COL4A6: variants seen among roughly 807,000 people sequenced by gnomAD.
COL4A6 encodes collagen alpha-6(IV) chain.
In COL4A6, 59 loss-of-function variants were observed where a neutral mutation model predicts 126.7. That is an observed-to-expected ratio of 0.47 (90% CI 0.38 to 0.58). The LOEUF is 0.58. Ranked by LOEUF, COL4A6 falls within the 20% of genes least tolerant of loss-of-function variation. The probability of loss-of-function intolerance (pLI) is 0.00; values close to 1 mark genes in which losing one functional copy is unlikely to be tolerated. For synonymous variants in COL4A6, 547 were observed against 496.6 expected (o/e 1.10, Z -1.35); for missense variants, 1,285 against 1,337.3 (o/e 0.96, Z 0.61).
At chrX:108,296,409 A>T (rs907633807) in intron 3 of COL4A6, among the ~76,000 whole-genome samples, 1 of 111,609 alleles carries the variant, frequency 9.0e-6, no homozygotes, top group African/African-American at 3.3e-5. Flanking sequence ...TGGGTAGGGT[A>T]TGACCTCCTA....
intron 42 of COL4A6, 34 bp downstream of exon 42, chrX:108,161,585 G>A (rs749072437): frequency 2.5e-5 from 6 of 242,014 alleles, no homozygotes; most frequent in South Asian, 1.8e-4. Context: ...CACCATCCCC[G>A]CCCCGCCCGC....
chrX:108,162,013 A>G (rs1157426066), intron 41 of COL4A6, among the ~76,000 whole-genome samples: 1 of 111,948 alleles, frequency 8.9e-6, no homozygotes, highest in Admixed American at 9.4e-5. Context: ...CCTAGCAACA[A>G]TGGAAATTAT....
chrX:108,175,884 G>A, intron 28 of COL4A6, 87 bp from the exon 29 acceptor site: 1 of 771,721 alleles, frequency 1.3e-6, no homozygotes, highest in Middle Eastern at 3.3e-4. Flanking sequence ...CTTGCCCAAA[G>A]TCATACAGCA....
intron 2 of COL4A6, among the ~76,000 whole-genome samples, chrX:108,328,794 G>A (rs936227224): frequency 8.9e-6 from 1 of 112,135 alleles, no homozygotes; most frequent in Non-Finnish European, 1.9e-5. Context: ...ATTCACAATA[G>A]CCAAGATATG....
At chrX:108,356,635 T>C (rs943864273) in intron 2 of COL4A6, among the ~76,000 whole-genome samples, 10 of 111,586 alleles carry the variant, frequency 9.0e-5, no homozygotes, top group African/African-American at 3.3e-4. Context: ...GGCAGAAATG[T>C]CTGAAAAAAA....
At chrX:108,320,953 T>G (rs1180683672) in intron 2 of COL4A6, among the ~76,000 whole-genome samples, 1 of 111,807 alleles carries the variant, frequency 8.9e-6, no homozygotes, top group Admixed American at 9.5e-5. Flanking sequence ...CTCCTAGACA[T>G]TAGGTTCCTT....
At chrX:108,291,047 C>G (rs1451327441) in intron 3 of COL4A6, among the ~76,000 whole-genome samples, 2 of 112,271 alleles carry the variant, frequency 1.8e-5, no homozygotes, top group Non-Finnish European at 3.8e-5. Context: ...AGCCCTCAGT[C>G]CTGTGCAAAC....
intron 2 of COL4A6, among the ~76,000 whole-genome samples, chrX:108,427,861 G>T (rs1333825853): frequency 8.9e-6 from 1 of 112,147 alleles, no homozygotes; most frequent in East Asian, 2.8e-4. Context: ...TCTGCCATTT[G>T]TTGGGTTTGT....
At chrX:108,386,084 G>A (rs1227742685) in intron 2 of COL4A6, among the ~76,000 whole-genome samples, 1 of 111,766 alleles carries the variant, frequency 8.9e-6, no homozygotes, top group Non-Finnish European at 1.9e-5. Flanking sequence ...ATTCCATGGG[G>A]TATATGTGCC....
At chrX:108,371,053 C>T (rs1214003578) in intron 2 of COL4A6, among the ~76,000 whole-genome samples, 1 of 110,119 alleles carries the variant, frequency 9.1e-6, no homozygotes, top group Admixed American at 9.7e-5. Flanking sequence ...GAAATGGAAC[C>T]AGTTTCTCCT....
intron 37 of COL4A6, among the ~76,000 whole-genome samples, chrX:108,167,089 A>G (rs1218569080): frequency 1.8e-5 from 2 of 111,605 alleles, no homozygotes; most frequent in Non-Finnish European, 3.8e-5. Context: ...ACCTGAAATA[A>G]AGGCACTACT....
chrX:108,238,034 ATATCTATCTATCTATCTATCTATC>A (rs59088315), intron 3 of COL4A6, among the ~76,000 whole-genome samples: 146 of 86,493 alleles, frequency 1.7e-3, no homozygotes, highest in African/African-American at 6.3e-3. Context: ...TCACCTCTCT[ATATCTATCTATCTATCTATCTATC>A]TATCTATCTA....
At chrX:108,197,208 G>A (rs2035247120) in intron 13 of COL4A6, among the ~76,000 whole-genome samples, 1 of 111,798 alleles carries the variant, frequency 8.9e-6, no homozygotes, top group Admixed American at 9.4e-5. Context: ...AGTCCAAAGG[G>A]GACTGTGAGA....
intron 2 of COL4A6, among the ~76,000 whole-genome samples, chrX:108,333,642 G>T (rs2039362626): frequency 1.8e-5 from 2 of 111,439 alleles, no homozygotes; most frequent in African/African-American, 6.5e-5. Flanking sequence ...GTTCATTGAT[G>T]ATATGATCTT....
chrX:108,403,475 A>G (rs1314707142), intron 2 of COL4A6, among the ~76,000 whole-genome samples: 1 of 110,471 alleles, frequency 9.1e-6, no homozygotes, highest in African/African-American at 3.3e-5. Context: ...TTTTTTTAAT[A>G]TTGCTACTCT....
chrX:108,321,746 C>G (rs758359571), intron 2 of COL4A6, among the ~76,000 whole-genome samples: 1 of 110,796 alleles, frequency 9.0e-6, no homozygotes, highest in African/African-American at 3.3e-5. Context: ...CCAGTGGCCT[C>G]AGGGTCCAGA....
At chrX:108,390,830 C>A (rs2040819620) in intron 2 of COL4A6, among the ~76,000 whole-genome samples, 1 of 111,314 alleles carries the variant, frequency 9.0e-6, no homozygotes, top group Non-Finnish European at 1.9e-5. Context: ...TTGGAATTTT[C>A]AGCCTTTTTG....
chrX:108,164,529 G>A lies in COL4A6; in HGVS notation c.4069+71C>T, dbSNP rs1466462282. 6.1e-6 allele frequency: 6 copies of A among 984,261 alleles called. No individual in the cohort carries two copies. The African/African-American group carries it at 1.1e-4, about 19-fold the overall frequency. The allele number at this position is 984,261 out of a possible 1,213,427, so 81.1% of individuals were successfully genotyped here. A position where few individuals can be genotyped will look rare whatever the true frequency, so the allele number is the denominator to read the frequency against. On this transcript the variant is annotated intron_variant, in intron 40 of 44. Transcript: ENST00000334504. ...CTTTCTTGGCGTGGTGAGCAATGAT[G>A]CCTGAAGGAACCTTACCACCAGGCC...
At chrX:108,309,737 G>C (rs2038716008) in intron 3 of COL4A6, among the ~76,000 whole-genome samples, 1 of 107,929 alleles carries the variant, frequency 9.3e-6, no homozygotes, top group African/African-American at 3.4e-5. Flanking sequence ...AGTGTGATGA[G>C]AGTGTATTCA....
Sources: allele counts gnomAD v4.1 joint callset (sites outside exome capture counted in the v4.1 genomes callset), GRCh38; gene constraint gnomAD v4.1.1; transcripts MANE v1.5; gene names NCBI Gene and HGNC (gene_info 2026-07-23, HGNC 2026-07-21).